Variants in PHTF2 observed in about 807,000 individuals in gnomAD.
The protein encoded by PHTF2 is protein PHTF2.
PHTF2 carries 60 observed loss-of-function variants against 101.2 expected under a neutral mutation model. The ratio of observed to expected loss-of-function variants is 0.59; its 90% CI spans 0.48 to 0.73. The LOEUF is 0.73. Among genes scored for constraint, PHTF2 ranks in the 30% least tolerant of loss-of-function variants. The pLI, the probability that PHTF2 is intolerant of heterozygous loss-of-function variation, is 0.00. For synonymous variants in PHTF2, 311 were observed against 307.3 expected (o/e 1.01, Z -0.13); for missense variants, 747 against 908.7 (o/e 0.82, Z 2.29).
intron 12 of PHTF2, among the ~76,000 whole-genome samples, chr7:77,930,957 G>C (rs951292158): frequency 2.6e-5 from 4 of 152,168 alleles, no homozygotes; most frequent in Admixed American, 2.6e-4. Context: ...AGATAGTATA[G>C]TATAGACATA....
intron 1 of PHTF2, among the ~76,000 whole-genome samples, chr7:77,828,816 C>T (rs969494125): frequency 1.3e-5 from 2 of 151,236 alleles, no homozygotes; most frequent in Admixed American, 1.3e-4. Context: ...TTCAGTGAGC[C>T]GAGATTGCAC....
chr7:77,813,522 T>C (rs902332295), intron 1 of PHTF2, among the ~76,000 whole-genome samples: 1 of 152,188 alleles, frequency 6.6e-6, no homozygotes, highest in African/African-American at 2.4e-5. Context: ...TAGATAGCAG[T>C]GTTTTGCACT....
intron 1 of PHTF2, among the ~76,000 whole-genome samples, chr7:77,812,087 T>G (rs2150490298): frequency 6.6e-6 from 1 of 152,346 alleles, no homozygotes; most frequent in East Asian, 1.9e-4. Context: ...AGGAATTACT[T>G]AGATCTTATC....
At chr7:77,912,738 T>C (rs1802521809) in intron 9 of PHTF2, among the ~76,000 whole-genome samples, 1 of 100,638 alleles carries the variant, frequency 9.9e-6, no homozygotes, top group Admixed American at 1.0e-4. Flanking sequence ...TTTTTTTTTT[T>C]TTTTTTTTTT....
chr7:77,851,897 T>A (rs1796792805), intron 2 of PHTF2, among the ~76,000 whole-genome samples: 2 of 152,208 alleles, frequency 1.3e-5, no homozygotes, highest in South Asian at 4.1e-4. Context: ...CTCATAAGTT[T>A]TAGTATGTTG....
At chr7:77,875,827 G>T (rs1274705198) in intron 3 of PHTF2, among the ~76,000 whole-genome samples, 1 of 152,094 alleles carries the variant, frequency 6.6e-6, no homozygotes, top group Non-Finnish European at 1.5e-5. Flanking sequence ...AAAGTGCTGG[G>T]ATTACAGGCG....
intron 19 of PHTF2, among the ~76,000 whole-genome samples, chr7:77,954,633 T>TATATATATAG (rs1806859579): frequency 6.9e-6 from 1 of 145,354 alleles, no homozygotes; most frequent in Non-Finnish European, 1.5e-5. Context: ...TATATATATA[T>TATATATATAG]ATATATATAT....
intron 3 of PHTF2, among the ~76,000 whole-genome samples, chr7:77,892,973 A>G (rs1394569581): frequency 1.3e-5 from 2 of 152,236 alleles, no homozygotes; most frequent in African/African-American, 4.8e-5. Flanking sequence ...GCCATAAAGA[A>G]TTTGTCACTT....
intron 3 of PHTF2, among the ~76,000 whole-genome samples, chr7:77,890,980 C>T (rs1468711069): frequency 6.7e-6 from 1 of 148,638 alleles, no homozygotes; most frequent in Middle Eastern, 3.2e-3. Context: ...TGATCATGGC[C>T]CACTGCAACC....
chr7:77,822,760 C>A (rs1350348391), intron 1 of PHTF2, among the ~76,000 whole-genome samples: 4 of 152,076 alleles, frequency 2.6e-5, no homozygotes, highest in Admixed American at 2.6e-4. Flanking sequence ...CTCGCTGCAC[C>A]CTAGTACTCT....
At position 77,951,671 on chromosome 7, in the gene PHTF2, C is replaced by A. The variant is rs1291616039; in HGVS notation, c.2170C>A (p.Leu724Ile). ...ACCTAACAAAAAGGAGGAACTGACA[C>A]TAGTGAATAATGTTTTAAAACTGGC... is the stretch of plus-strand genomic sequence containing the variant. The change falls in exon 18 of 20, where the codon CTA becomes ATA. Residue 724 changes from leucine to isoleucine, a missense_variant. By Grantham distance (5) the Leu-to-Ile change is conservative (BLOSUM62 2). This residue lies in a region of PHTF2 where 188 missense variants were observed against 286.5 expected (regional missense o/e 0.66). Transcript: ENST00000416283. 2.0e-6 allele frequency: 3 copies of A among 1,482,274 alleles called. No individual in the cohort carries two copies. The highest frequency in any genetic ancestry group is 4.4e-5 in the Admixed American group (2 of 45,514). 91.8% of individuals were successfully genotyped at this position (1,482,274 alleles called of 1,614,324 possible).
At chr7:77,863,383 A>G in intron 3 of PHTF2, among the ~76,000 whole-genome samples, 1 of 152,326 alleles carries the variant, frequency 6.6e-6, no homozygotes, top group Non-Finnish European at 1.5e-5. Flanking sequence ...TCAAAATGGT[A>G]GGCAGCAGGG....
chr7:77,956,781 C>G (rs956501116), exon 20 of PHTF2: 7 of 152,616 alleles, frequency 4.6e-5, no homozygotes, highest in African/African-American at 1.7e-4. Context: ...ACTATTGTAT[C>G]TCACAAAAAA....
chr7:77,951,276 T>TA (rs1392329885), intron 17 of PHTF2, among the ~76,000 whole-genome samples: 1 of 152,134 alleles, frequency 6.6e-6, no homozygotes, highest in Non-Finnish European at 1.5e-5. Flanking sequence ...CCATCTCTAG[T>TA]AAAAAAGAAA....
intron 1 of PHTF2, among the ~76,000 whole-genome samples, chr7:77,801,501 G>A (rs867820755): frequency 6.6e-6 from 1 of 152,134 alleles, no homozygotes; most frequent in Non-Finnish European, 1.5e-5. Flanking sequence ...CAGGAGAATC[G>A]CTTGAACCCA....
intron 3 of PHTF2, among the ~76,000 whole-genome samples, chr7:77,890,029 C>CA (rs551280359): frequency 3.3e-5 from 5 of 150,584 alleles, no homozygotes; most frequent in Admixed American, 6.6e-5. Context: ...CGCGCCCCCC[C>CA]CCACCACCAT....
chr7:77,915,712 G>A (rs939195648), intron 9 of PHTF2, among the ~76,000 whole-genome samples: 5 of 152,206 alleles, frequency 3.3e-5, no homozygotes, highest in South Asian at 2.1e-4. Flanking sequence ...CTTTTCAACC[G>A]CTCCAAGCTT....
At chr7:77,954,612 G>GTGTA (rs1426693429) in intron 19 of PHTF2, among the ~76,000 whole-genome samples, 2,368 of 90,054 alleles carry the variant, frequency 0.026, 29 homozygotes, top group Middle Eastern at 0.044. Context: ...CAAGTACTGT[G>GTGTA]TATATATATA....
At chr7:77,832,517 C>T (rs949004212) in intron 1 of PHTF2, among the ~76,000 whole-genome samples, 3 of 152,208 alleles carry the variant, frequency 2.0e-5, no homozygotes, top group African/African-American at 7.2e-5. Context: ...GAGACAACTT[C>T]AAATCTCCAT....
Sources: allele counts gnomAD v4.1 joint callset (sites outside exome capture counted in the v4.1 genomes callset), GRCh38; gene constraint gnomAD v4.1.1; regional missense constraint gnomAD v4.1.1; transcripts MANE v1.5; gene names NCBI Gene and HGNC (gene_info 2026-07-23, HGNC 2026-07-21).